Variants in ERCC8 observed in about 807,000 individuals in gnomAD.
ERCC8 encodes the protein ERCC excision repair 8, CSA ubiquitin ligase complex subunit.
Under a neutral mutation model 54.9 loss-of-function variants are expected in ERCC8, and 52 were observed. The ratio of observed to expected loss-of-function variants is 0.95; its 90% CI spans 0.76 to 1.19. The LOEUF (loss-of-function observed/expected upper bound fraction) is 1.19, where lower values mean the gene tolerates loss of function less well. ERCC8 is among the 50% of genes most tolerant of loss of function. The pLI, the probability that ERCC8 is intolerant of heterozygous loss-of-function variation, is 0.00. For missense variants in ERCC8, 514 were observed against 466.1 expected (o/e 1.10, Z -0.95); for synonymous variants, 146 against 157.2 (o/e 0.93, Z 0.53).
chr5:60,917,296 G>C (rs1200994378), intron 4 of ERCC8, among the ~76,000 whole-genome samples: 1 of 151,520 alleles, frequency 6.6e-6, no homozygotes, highest in African/African-American at 2.4e-5. Context: ...TTGAGGTAGG[G>C]AATACAACAG....
chr5:60,897,852 A>G (rs1434800585), intron 9 of ERCC8, among the ~76,000 whole-genome samples: 2 of 152,200 alleles, frequency 1.3e-5, no homozygotes, highest in African/African-American at 4.8e-5. Context: ...AAATGTTCCA[A>G]TGAGCACTTC....
In ERCC8 at chr5:60,944,913, A is replaced by G. The variant is rs1376193841; in HGVS notation, c.77+19T>C. 1 of 1,602,874 alleles carries G rather than the reference A, an allele frequency of 6.2e-7. No individual in the cohort carries two copies. Among genetic ancestry groups the G allele is most frequent in the Admixed American group, 1.7e-5 (1 of 60,002 alleles). ...AGATTCTAACTGGCCTGTTAGCCAA[A>G]AAGTAAGGTTTTCTTTACCTCCGTG... On this transcript the variant is annotated intron_variant, in intron 1 of 11. Transcript: ENST00000676185.
chr5:60,938,564 C>T (rs569188371), intron 1 of ERCC8, among the ~76,000 whole-genome samples: 8 of 151,800 alleles, frequency 5.3e-5, no homozygotes, highest in Admixed American at 3.3e-4. Context: ...ATGTTGGCCA[C>T]GCTGGTCTCG....
intron 4 of ERCC8, among the ~76,000 whole-genome samples, chr5:60,916,513 G>A (rs961520460): frequency 6.6e-6 from 1 of 151,948 alleles, no homozygotes; most frequent in Admixed American, 6.6e-5. Context: ...CTCAATGGAG[G>A]TGCTGGTTTG....
chr5:60,938,008 C>CGT (rs1182798613), intron 1 of ERCC8, among the ~76,000 whole-genome samples: 22 of 124,056 alleles, frequency 1.8e-4, no homozygotes, highest in African/African-American at 6.5e-4. Context: ...AATATGTATG[C>CGT]GTGTGTGTGT....
intron 11 of ERCC8, among the ~76,000 whole-genome samples, chr5:60,880,704 T>G (rs1748185679): frequency 6.6e-6 from 1 of 152,250 alleles, no homozygotes; most frequent in African/African-American, 2.4e-5. Flanking sequence ...GTGCCATGGT[T>G]TTCAGCTCCA....
intron 1 of ERCC8, among the ~76,000 whole-genome samples, chr5:60,937,209 C>G (rs1298687489): frequency 6.6e-6 from 1 of 152,090 alleles, no homozygotes; most frequent in South Asian, 2.1e-4. Context: ...CTATGAGGGC[C>G]CTTGGTTGTA....
In ERCC8 at chr5:60,869,399, T is replaced by C. The variant is rs1747818049; in HGVS notation, c.*5216A>G. On this transcript the variant is annotated 3_prime_UTR_variant, in exon 12 of 12. Coordinates refer to ENST00000676185, the MANE Select transcript of ERCC8 (RefSeq NM_000082.4). ...ATTTTAAATAATAAAGCTAATGGTG[T>C]GTCTCTCACCAATACTGAGCTCTAC... Among the ~76,000 whole-genome samples the C allele has an allele frequency of 6.6e-6, 1 of 152,236 alleles. No homozygotes were observed. Among genetic ancestry groups the C allele is most frequent in the Non-Finnish European group, 1.5e-5 (1 of 68,032 alleles).
intron 11 of ERCC8, among the ~76,000 whole-genome samples, chr5:60,883,694 T>C (rs1222274953): frequency 2.0e-5 from 3 of 152,222 alleles, no homozygotes; most frequent in African/African-American, 7.2e-5. Flanking sequence ...TTATGTATTG[T>C]GTGAATGTCA....
chr5:60,912,872 C>T (rs1165836187), intron 4 of ERCC8, among the ~76,000 whole-genome samples: 3 of 152,050 alleles, frequency 2.0e-5, no homozygotes, highest in African/African-American at 7.3e-5. Context: ...GTCATTGGTT[C>T]TGTTTATGTG....
chr5:60,938,069 ATATATATATATATATATTTTATT>A (rs1561518999), intron 1 of ERCC8, among the ~76,000 whole-genome samples: 3 of 18,378 alleles, frequency 1.6e-4, no homozygotes, highest in African/African-American at 4.2e-4. Flanking sequence ...ATATATATAT[ATATATATATATATATATTTTATT>A]TTTTTTTTTT....
chr5:60,932,552 C>T (rs548690322), intron 1 of ERCC8, among the ~76,000 whole-genome samples: 9 of 152,158 alleles, frequency 5.9e-5, no homozygotes, highest in Non-Finnish European at 1.2e-4. Context: ...CAATTTGTTG[C>T]TAAAGGAATA....
chr5:60,937,206 G>A (rs919400645), intron 1 of ERCC8, among the ~76,000 whole-genome samples: 4 of 152,166 alleles, frequency 2.6e-5, no homozygotes, highest in Non-Finnish European at 5.9e-5. Context: ...CCTCTATGAG[G>A]GCCCTTGGTT....
chr5:60,909,362 G>C (rs1198861139), intron 4 of ERCC8, among the ~76,000 whole-genome samples: 1 of 145,928 alleles, frequency 6.9e-6, no homozygotes, highest in Non-Finnish European at 1.5e-5. Context: ...GTTCAGTACT[G>C]TAATAGAAAC....
chr5:60,879,962 G>C (rs1748153492), intron 11 of ERCC8, among the ~76,000 whole-genome samples: 1 of 152,142 alleles, frequency 6.6e-6, no homozygotes. Context: ...TCCTAGCCTT[G>C]ATGGTCTTTA....
chr5:60,930,966 A>G (rs1749892329), intron 1 of ERCC8, among the ~76,000 whole-genome samples: 1 of 151,904 alleles, frequency 6.6e-6, no homozygotes, highest in South Asian at 2.1e-4. Context: ...AAAATTAGCC[A>G]GGTGTGGTGG....
chr5:60,933,224 T>G (rs1395988919), intron 1 of ERCC8, among the ~76,000 whole-genome samples: 1 of 136,900 alleles, frequency 7.3e-6, no homozygotes, highest in Admixed American at 7.3e-5. Context: ...TTCTTTTTTT[T>G]TTTTTTTTTT....
intron 9 of ERCC8, chr5:60,892,819 G>A (rs1200572055): frequency 2.9e-6 from 2 of 681,676 alleles, no homozygotes; most frequent in Non-Finnish European, 5.4e-6. Flanking sequence ...GTGACCCCAG[G>A]AATGGCTCCC....
chr5:60,938,044 C>CAT (rs769636207), intron 1 of ERCC8, among the ~76,000 whole-genome samples: 6 of 16,696 alleles, frequency 3.6e-4, no homozygotes, highest in African/African-American at 7.0e-4. Context: ...TACATACATA[C>CAT]ATACATATAT....
Sources: gnomAD v4.1 joint callset for allele counts (sites outside exome capture counted in the v4.1 genomes callset) on GRCh38, gnomAD v4.1.1 for gene constraint, MANE v1.5 for transcripts, NCBI Gene and HGNC (gene_info 2026-07-23, HGNC 2026-07-21) for gene names.